Variants in PPM1H observed in about 807,000 individuals in gnomAD.
PPM1H encodes protein phosphatase, Mg2+/Mn2+ dependent 1H.
Under a neutral mutation model 54.9 loss-of-function variants are expected in PPM1H, and 27 were observed. The ratio of observed to expected loss-of-function variants is 0.49; its 90% CI spans 0.36 to 0.68. PPM1H has a LOEUF of 0.68. Ranked by LOEUF, PPM1H falls within the 30% of genes least tolerant of loss-of-function variation. The pLI is 0.00. For synonymous variants in PPM1H, 305 were observed against 270.8 expected (o/e 1.13, Z -1.24); for missense variants, 596 against 667.8 (o/e 0.89, Z 1.19).
chr12:62,777,188 C>T (rs1477681563), intron 4 of PPM1H, among the ~76,000 whole-genome samples: 1 of 152,176 alleles, frequency 6.6e-6, no homozygotes, highest in African/African-American at 2.4e-5. Context: ...ATGCAGTGTA[C>T]CAGCATTGCT....
At chr12:62,747,186 G>C (rs566867751) in intron 4 of PPM1H, among the ~76,000 whole-genome samples, 1 of 150,936 alleles carries the variant, frequency 6.6e-6, no homozygotes, top group South Asian at 2.1e-4. Context: ...TCCCAGGCTC[G>C]AGTGCAATGG....
At chr12:62,799,839 G>A (rs147331977) in intron 3 of PPM1H, among the ~76,000 whole-genome samples, 1 of 152,144 alleles carries the variant, frequency 6.6e-6, no homozygotes, top group Non-Finnish European at 1.5e-5. Context: ...AACCTGATCT[G>A]GGCTAGGTCA....
chr12:62,682,944 C>T (rs1207288155), intron 8 of PPM1H, among the ~76,000 whole-genome samples: 1 of 151,720 alleles, frequency 6.6e-6, no homozygotes, highest in African/African-American at 2.4e-5. Flanking sequence ...ACCTCAGTAT[C>T]CCCAGTAGCT....
In PPM1H at chr12:62,731,267, A is replaced by AT. The variant is rs548258419; in HGVS notation, c.954+6234dup. Reference sequence around the variant, plus strand: ...GAGGAAGTAGGTGGGACTGGAGTGGATTTTTTTATGACTCAGACATTCTCC... The same window carrying AT: ...GAGGAAGTAGGTGGGACTGGAGTGGATTTTTTTTATGACTCAGACATTCTCC... On this transcript the variant is annotated intron_variant, in intron 5 of 9. Transcript: ENST00000228705. Among the ~76,000 whole-genome samples the AT allele has an allele frequency of 1.8e-3, 276 of 152,186 alleles. 2 individuals are homozygous for AT. Among genetic ancestry groups the AT allele is most frequent in the African/African-American group, 6.5e-3 (270 of 41,496 alleles).
At chr12:62,693,460 C>T (rs756285264) in intron 7 of PPM1H, among the ~76,000 whole-genome samples, 1 of 152,176 alleles carries the variant, frequency 6.6e-6, no homozygotes, top group Non-Finnish European at 1.5e-5. Context: ...GTCTGAGACG[C>T]GCGAAGCAGA....
chr12:62,772,098 C>T (rs1451971984), intron 4 of PPM1H, among the ~76,000 whole-genome samples: 1 of 152,154 alleles, frequency 6.6e-6, no homozygotes, highest in Non-Finnish European at 1.5e-5. Flanking sequence ...GACTCCAAAC[C>T]CTATACTTTT....
chr12:62,691,460 A>G (rs2076082390), intron 7 of PPM1H, among the ~76,000 whole-genome samples: 2 of 152,306 alleles, frequency 1.3e-5, no homozygotes, highest in East Asian at 3.9e-4. Flanking sequence ...TTCGGAAGGT[A>G]GGCAGAGTTC....
At chr12:62,875,207 A>G (rs1359164199) in intron 1 of PPM1H, among the ~76,000 whole-genome samples, 1 of 152,224 alleles carries the variant, frequency 6.6e-6, no homozygotes, top group Non-Finnish European at 1.5e-5. Flanking sequence ...CTTAGGTTGG[A>G]AGTTCTCAGG....
At chr12:62,700,700 C>G (rs1368402225) in intron 6 of PPM1H, among the ~76,000 whole-genome samples, 1 of 152,132 alleles carries the variant, frequency 6.6e-6, no homozygotes, top group East Asian at 1.9e-4. Flanking sequence ...GATGATGTCA[C>G]CAGGTGGATG....
At chr12:62,804,970 C>T (rs1454855337) in intron 2 of PPM1H, among the ~76,000 whole-genome samples, 1 of 152,130 alleles carries the variant, frequency 6.6e-6, no homozygotes, top group Admixed American at 6.5e-5. Flanking sequence ...CCACCGCGCC[C>T]GGCCCATTTT....
chr12:62,771,175 C>A (rs2076577413), intron 4 of PPM1H, among the ~76,000 whole-genome samples: 4 of 150,138 alleles, frequency 2.7e-5, no homozygotes, highest in Non-Finnish European at 4.4e-5. Context: ...TAGAGACAAC[C>A]ATTGCTTGCC....
At chr12:62,664,070 C>T (rs2075902888) in intron 9 of PPM1H, among the ~76,000 whole-genome samples, 1 of 78,986 alleles carries the variant, frequency 1.3e-5, no homozygotes. Flanking sequence ...CACAAGTCAG[C>T]CCTTAGGGCC....
In PPM1H at chr12:62,801,816, C is replaced by T. The variant is rs191415567; in HGVS notation, c.756G>A (p.Met252Ile). Reference protein sequence around the residue: ...IGALESAFKEMDLQIERERSS... With the variant: ...IGALESAFKEIDLQIERERSS... ...GCCCCAGACTCCCAGGAATACCTACCATTTCCTTGAATGCACTTTCAAGCG... is the reference window on the plus strand; with the variant it reads ...GCCCCAGACTCCCAGGAATACCTACTATTTCCTTGAATGCACTTTCAAGCG... Residue 252 changes from methionine (M) to isoleucine (I), a missense_variant and splice_region_variant, in exon 3 of 10, where the codon ATG becomes ATA. By Grantham distance (10) the Met-to-Ile change is conservative. Coordinates refer to ENST00000228705, the MANE Select transcript of PPM1H (RefSeq NM_020700.2). The T allele has an allele frequency of 3.7e-6, 6 of 1,613,724 alleles. No homozygotes were observed. The East Asian group carries it at 1.3e-4, about 36-fold the overall frequency.
chr12:62,881,910 G>A (rs1870410332), intron 1 of PPM1H, among the ~76,000 whole-genome samples: 1 of 151,956 alleles, frequency 6.6e-6, no homozygotes, highest in Admixed American at 6.6e-5. Flanking sequence ...TTCAACAGAA[G>A]CTTCTATGAT....
chr12:62,760,574 C>T (rs758067670), intron 4 of PPM1H, among the ~76,000 whole-genome samples: 3 of 152,208 alleles, frequency 2.0e-5, no homozygotes, highest in Admixed American at 6.5e-5. Context: ...CAACAATTTC[C>T]GCTTAGAGAG....
At position 62,644,005 on chromosome 12, in the gene PPM1H, C is replaced by T. The variant is rs1022059750; in HGVS notation, c.*4484G>A. 5 of 152,052 alleles carry T rather than the reference C, an allele frequency of 3.3e-5. No homozygotes were observed. In the East Asian group the frequency reaches 5.8e-4, roughly 18 times the overall value. 9.4% of individuals were successfully genotyped at this position (152,052 alleles called of 1,614,324 possible). ...AGTTTTGCTGAATATGTCGTATATACATATATATAATATTTTATTTTAAAA... is the reference window on the plus strand; with the variant it reads ...AGTTTTGCTGAATATGTCGTATATATATATATATAATATTTTATTTTAAAA... On this transcript the variant is annotated 3_prime_UTR_variant, in exon 10 of 10. Transcript: ENST00000228705.
At chr12:62,925,288 C>T (rs1236586905) in intron 1 of PPM1H, among the ~76,000 whole-genome samples, 1 of 152,030 alleles carries the variant, frequency 6.6e-6, no homozygotes, top group African/African-American at 2.4e-5. Flanking sequence ...AATAAAATAA[C>T]AGGGAGCAGG....
intron 4 of PPM1H, among the ~76,000 whole-genome samples, chr12:62,743,297 G>A (rs971747883): frequency 3.9e-5 from 6 of 152,152 alleles, no homozygotes; most frequent in Non-Finnish European, 8.8e-5. Context: ...AGGTTGCAGT[G>A]AGCCGAAACT....
intron 2 of PPM1H, among the ~76,000 whole-genome samples, chr12:62,828,365 A>G (rs12829836): frequency 0.081 from 12,382 of 152,180 alleles, 558 homozygotes; most frequent in South Asian, 0.19. Flanking sequence ...CCTCCTTCCT[A>G]AACCCTGAGA....
Sources: allele counts gnomAD v4.1 joint callset (sites outside exome capture counted in the v4.1 genomes callset), GRCh38; gene constraint gnomAD v4.1.1; transcripts MANE v1.5; gene names NCBI Gene and HGNC (gene_info 2026-07-23, HGNC 2026-07-21).